The following CES1 variants were observed in gnomAD, a reference collection of about 807,000 sequenced individuals.
CES1 encodes the protein carboxylesterase 1, also known as liver carboxylesterase 1.
A neutral mutation model predicts 53.0 loss-of-function variants in CES1; 50 were observed. The observed-to-expected ratio is 0.94, with a 90% CI of 0.75 to 1.19. The LOEUF (loss-of-function observed/expected upper bound fraction) is 1.19, where lower values mean the gene tolerates loss of function less well. CES1 is among the 50% of genes most tolerant of loss of function. The pLI, the probability that CES1 is intolerant of heterozygous loss-of-function variation, is 0.00. For synonymous variants in CES1, 202 were observed against 210.1 expected, an observed-to-expected ratio of 0.96 and a Z score of 0.33; for missense variants, 534 against 538.0, an observed-to-expected ratio of 0.99 and a Z score of 0.07.
At position 55,813,906 on chromosome 16, in the gene CES1, C is replaced by T. The variant is rs114986338; in HGVS notation, c.946-863G>A. ...AACAAGAAGAGAGAGGTTGCCTCGC[C>T]GGATCTCAGATGGAACATGCCCATC... On this transcript the variant is annotated intron_variant, in intron 8 of 13. Transcript: ENST00000360526. 6.2e-3 allele frequency among the ~76,000 whole-genome samples: 937 copies of T among 152,318 alleles called. 14 individuals carry two copies. The highest frequency in any genetic ancestry group is 0.022 in the African/African-American group (903 of 41,552).
chr16:55,825,764 A>G (rs1437050131), intron 3 of CES1, among the ~76,000 whole-genome samples: 1 of 152,214 alleles, frequency 6.6e-6, no homozygotes, highest in Non-Finnish European at 1.5e-5. Context: ...CAGTTTCTCT[A>G]TTTGAAAAGG....
Position 55,812,864 on chromosome 16 carries a change from G to T in CES1, c.1086+39C>A, listed in dbSNP as rs2307232. The stretch of plus-strand genomic sequence containing the variant: ...GGACCAGAGACAGGAGGGCTGATGG[G>T]GGTGGTTGAGTCCCTCCAACAGACA... On this transcript the variant is annotated intron_variant, in intron 9 of 13. Coordinates refer to ENST00000360526, the MANE Select transcript of CES1 (RefSeq NM_001025195.2). 8.7e-6 allele frequency: 14 copies of T among 1,612,736 alleles called. No homozygotes were observed. In the African/African-American group the frequency reaches 1.2e-4, roughly 14 times the overall value.
chr16:55,820,112 T>G, intron 6 of CES1: 1 of 588,300 alleles, frequency 1.7e-6, no homozygotes, highest in Non-Finnish European at 3.1e-6. Context: ...GCTAGGGCCA[T>G]GAGCTGGAGT....
chr16:55,828,887 G>A lies in CES1; in HGVS notation c.140C>T (p.Pro47Leu). Residue 47 changes from proline to leucine, a missense_variant, in exon 2 of 14, where the codon CCT becomes CTT. Pro to Leu is a moderately conservative substitution (Grantham distance 98). This residue lies in a region of CES1 where 164 missense variants were observed against 162.4 expected (regional missense o/e 1.01). Transcript: ENST00000360526. ...KFVSLEGFAQ[P>L]VAIFLGIPFA... is the part of the protein sequence containing the mutation. ...AGGGATTCCCAGGAAAATGGCCACAGGCTGTGCAAATCCTTCTAAGCTGAC... is the reference window on the plus strand; with the variant it reads ...AGGGATTCCCAGGAAAATGGCCACAAGCTGTGCAAATCCTTCTAAGCTGAC... 6.2e-7 allele frequency: 1 copy of A among 1,614,214 alleles called. No individual in the cohort carries two copies. Among genetic ancestry groups the A allele is most frequent in the Non-Finnish European group, 8.5e-7 (1 of 1,180,022 alleles).
chr16:55,821,224 C>G, intron 5 of CES1, 144 bp downstream of exon 5: 1 of 1,106,588 alleles, frequency 9.0e-7, no homozygotes, highest in Non-Finnish European at 1.3e-6. Flanking sequence ...GCTTTCTACC[C>G]CCTGATGCTG....
At chr16:55,823,110 C>A (rs1376917693) in intron 4 of CES1, among the ~76,000 whole-genome samples, 15 of 152,164 alleles carry the variant, frequency 9.9e-5, no homozygotes. Context: ...CCCATTCCTT[C>A]ACCCACAACA....
intron 4 of CES1, among the ~76,000 whole-genome samples, chr16:55,823,080 A>G (rs1445395438): frequency 6.6e-6 from 1 of 152,058 alleles, no homozygotes; most frequent in Non-Finnish European, 1.5e-5. Context: ...AGATGCTCCC[A>G]CACCCCACCA....
intron 1 of CES1, among the ~76,000 whole-genome samples, chr16:55,831,509 C>G (rs1241024478): frequency 6.7e-6 from 1 of 149,368 alleles, no homozygotes; most frequent in African/African-American, 2.5e-5. Context: ...CTACTATGTG[C>G]CAGGCATGCA....
chr16:55,823,092 C>G (rs1401366909), intron 4 of CES1, among the ~76,000 whole-genome samples: 1 of 152,094 alleles, frequency 6.6e-6, no homozygotes, highest in Non-Finnish European at 1.5e-5. Flanking sequence ...ACCCCACCAT[C>G]TGCAGCCCCC....
At chr16:55,809,838 A>G (rs1450355660) in intron 11 of CES1, among the ~76,000 whole-genome samples, 1 of 152,146 alleles carries the variant, frequency 6.6e-6, no homozygotes, top group Non-Finnish European at 1.5e-5. Context: ...AAACCCTTCC[A>G]CGACTCATCT....
At chr16:55,821,074 A>AAGAGAGAG (rs59890072) in intron 5 of CES1, among the ~76,000 whole-genome samples, 100 of 149,818 alleles carry the variant, frequency 6.7e-4, no homozygotes, top group African/African-American at 9.3e-4. Context: ...GAGAGAGAGA[A>AAGAGAGAG]AGAGAGAGAG....
chr16:55,810,689 C>G, intron 10 of CES1, 25 bp from the exon 11 acceptor site: 1 of 1,613,898 alleles, frequency 6.2e-7, no homozygotes, highest in Non-Finnish European at 8.5e-7. Flanking sequence ...AAAGTGACCA[C>G]CAGCCCCGGG....
rs1467177304 is a variant in CES1 at position 55,820,617 on chromosome 16, C to G, written c.694-138G>C. ...TCCAGTAGTGGGCTGACCCTCTGCC[C>G]ACCTCAAGGAGGTGGAAGTCTTCCT... On this transcript the variant is annotated intron_variant, in intron 5 of 13. Coordinates refer to ENST00000360526, the MANE Select transcript of CES1 (RefSeq NM_001025195.2). 3 of 1,430,748 alleles carry G rather than the reference C, an allele frequency of 2.1e-6. No individual in the cohort carries two copies. The Admixed American group carries it at 5.8e-5, about 28-fold the overall frequency. 88.6% of individuals were successfully genotyped at this position (1,430,748 alleles called of 1,614,324 possible).
At chr16:55,811,324 A>C (rs1465068834) in intron 9 of CES1, among the ~76,000 whole-genome samples, 3 of 151,964 alleles carry the variant, frequency 2.0e-5, no homozygotes, top group African/African-American at 7.3e-5. Flanking sequence ...TACAGTGGTC[A>C]GTGACATGGA....
intron 8 of CES1, among the ~76,000 whole-genome samples, chr16:55,813,317 A>G (rs1165552206): frequency 6.6e-6 from 1 of 152,174 alleles, no homozygotes; most frequent in Non-Finnish European, 1.5e-5. Context: ...ACATGTCTAT[A>G]TATTTCAATT....
At chr16:55,815,854 A>C (rs1384530201) in intron 8 of CES1, among the ~76,000 whole-genome samples, 1 of 152,252 alleles carries the variant, frequency 6.6e-6, no homozygotes, top group East Asian at 1.9e-4. Context: ...CAAAACCTCC[A>C]AAGGCTTCCC....
intron 1 of CES1, among the ~76,000 whole-genome samples, chr16:55,830,046 A>G (rs1232523956): frequency 2.6e-5 from 4 of 152,202 alleles, no homozygotes; most frequent in African/African-American, 9.7e-5. Context: ...AATGATTTCC[A>G]GCCTCTTGTC....
rs751380074 is a variant in CES1 at position 55,819,498 on chromosome 16, G to A, written c.906+37C>T. ...CTGAAATGAAGAAGTCTGGGACCAAGTTTACAGGGTTTGGGCTACGGGAAC... is the reference window on the plus strand; with the variant it reads ...CTGAAATGAAGAAGTCTGGGACCAAATTTACAGGGTTTGGGCTACGGGAAC... On this transcript the variant is annotated intron_variant, in intron 7 of 13. Transcript: ENST00000360526. The A allele has an allele frequency of 8.7e-6, 13 of 1,495,060 alleles. No homozygotes were observed. The African/African-American group carries it at 1.7e-4, about 19-fold the overall frequency. The allele number at this position is 1,495,060 out of a possible 1,614,324, so 92.6% of individuals were successfully genotyped here.
At chr16:55,816,691 C>T (rs1397767810) in intron 8 of CES1, among the ~76,000 whole-genome samples, 2 of 152,186 alleles carry the variant, frequency 1.3e-5, no homozygotes, top group Non-Finnish European at 2.9e-5. Context: ...CCAGGGCACA[C>T]AGAGGTGATG....
Sources: gnomAD v4.1 joint callset for allele counts (sites outside exome capture counted in the v4.1 genomes callset) on GRCh38, gnomAD v4.1.1 for gene constraint, gnomAD v4.1.1 regional missense constraint, MANE v1.5 for transcripts, NCBI Gene and HGNC (gene_info 2026-07-23, HGNC 2026-07-21) for gene names.